The following ABCA13 variants were observed in gnomAD, a reference collection of about 807,000 sequenced individuals.
ABCA13 encodes ATP binding cassette subfamily A member 13.
A neutral mutation model predicts 478.7 loss-of-function variants in ABCA13; 476 were observed. The observed-to-expected ratio is 0.99, with a 90% confidence interval of 0.92 to 1.07. ABCA13 has a LOEUF of 1.07. Ranked by LOEUF, ABCA13 falls within the 50% of genes least tolerant of loss-of-function variation. The pLI, the probability that ABCA13 is intolerant of heterozygous loss-of-function variation, is 0.00. For missense variants in ABCA13, 6,060 were observed against 5,910.6 expected, an observed-to-expected ratio of 1.03 and a Z score of -0.83; for synonymous variants, 2,252 against 2,158.9, an observed-to-expected ratio of 1.04 and a Z score of -1.20.
intron 3 of ABCA13, among the ~76,000 whole-genome samples, chr7:48,214,451 G>A (rs1584236715): frequency 2.6e-5 from 4 of 152,268 alleles, no homozygotes; most frequent in Admixed American, 2.0e-4. Context: ...AGACTTTGAA[G>A]GTAGGCATTG....
At chr7:48,408,544 C>T (rs926585118) in intron 39 of ABCA13, among the ~76,000 whole-genome samples, 22 of 152,092 alleles carry the variant, frequency 1.4e-4, no homozygotes, top group African/African-American at 2.9e-4. Context: ...TTTGTGTCTA[C>T]GTTCCATAGT....
intron 55 of ABCA13, among the ~76,000 whole-genome samples, chr7:48,550,283 G>C (rs1785192577): frequency 1.7e-5 from 2 of 118,814 alleles, no homozygotes; most frequent in African/African-American, 7.1e-5. Context: ...TGGAAATGGA[G>C]TCTCGCTCTG....
rs527282174 is a variant in ABCA13, at chr7:48,375,623, G to A, written c.11204-818G>A. Among the ~76,000 whole-genome samples, 6 of 151,734 alleles carry A rather than the reference G, an allele frequency of 4.0e-5. No homozygotes were observed. The East Asian group carries it at 9.7e-4, about 24-fold the overall frequency. The stretch of plus-strand genomic sequence containing the variant: ...ATTTGTATGGTTTTTTTTGGGGGGG[G>A]GTGTTTTTGTAAACAGAGGTAAAAC... On this transcript the variant is annotated intron_variant, in intron 34 of 61. Transcript: ENST00000435803.
intron 1 of ABCA13, among the ~76,000 whole-genome samples, chr7:48,184,104 A>G (rs1189930011): frequency 6.6e-6 from 1 of 152,204 alleles, no homozygotes; most frequent in African/African-American, 2.4e-5. Flanking sequence ...GGTCACTGAC[A>G]ATGAGTACTC....
chr7:48,241,156 G>C, intron 10 of ABCA13, 90 bp downstream of exon 10: 1 of 1,409,314 alleles, frequency 7.1e-7, no homozygotes, highest in Admixed American at 1.8e-5. Context: ...AACACATTCT[G>C]TAAAACTACA....
chr7:48,248,106 C>T, intron 13 of ABCA13, 133 bp from the exon 14 acceptor site: 1 of 685,114 alleles, frequency 1.5e-6, no homozygotes, highest in Non-Finnish European at 2.4e-6. Context: ...AATTACCATG[C>T]CATAGGGCAC....
intron 3 of ABCA13, among the ~76,000 whole-genome samples, chr7:48,205,305 A>G (rs1784787547): frequency 6.7e-6 from 1 of 149,094 alleles, no homozygotes; most frequent in African/African-American, 2.5e-5. Context: ...TGGTGAAGGT[A>G]ATGATTTAAC....
At chr7:48,377,834 G>A (rs956319686) in intron 35 of ABCA13, among the ~76,000 whole-genome samples, 3 of 152,142 alleles carry the variant, frequency 2.0e-5, no homozygotes, top group African/African-American at 4.8e-5. Flanking sequence ...TTGAGAAGAA[G>A]CAAAAATAAC....
At chr7:48,361,472 A>C (rs890570838) in intron 31 of ABCA13, among the ~76,000 whole-genome samples, 1 of 151,694 alleles carries the variant, frequency 6.6e-6, no homozygotes, top group Admixed American at 6.6e-5. Context: ...CTGTTTTCTC[A>C]AAGAACCCTA....
intron 41 of ABCA13, among the ~76,000 whole-genome samples, chr7:48,419,337 T>C (rs1820432367): frequency 6.6e-6 from 1 of 152,234 alleles, no homozygotes. Flanking sequence ...ACTTTACCCA[T>C]TCATATTCCT....
chr7:48,293,046 T>A (rs1798755693), intron 20 of ABCA13, among the ~76,000 whole-genome samples: 1 of 152,080 alleles, frequency 6.6e-6, no homozygotes, highest in Admixed American at 6.5e-5. Flanking sequence ...TGAATTAGAG[T>A]CAAGAAGTTG....
At chr7:48,608,591 G>GTCAC (rs1227227479) in intron 58 of ABCA13, among the ~76,000 whole-genome samples, 1 of 152,230 alleles carries the variant, frequency 6.6e-6, no homozygotes, top group East Asian at 1.9e-4. Flanking sequence ...TATCAACAGT[G>GTCAC]TCACTGGACC....
chr7:48,202,771 T>C (rs1264764335), intron 3 of ABCA13, among the ~76,000 whole-genome samples: 1 of 152,022 alleles, frequency 6.6e-6, no homozygotes, highest in African/African-American at 2.4e-5. Flanking sequence ...AGAGTGCCCA[T>C]TGGTGTATTT....
intron 3 of ABCA13, among the ~76,000 whole-genome samples, chr7:48,201,717 C>CA (rs1562765632): frequency 2.0e-5 from 3 of 151,928 alleles, no homozygotes; most frequent in Admixed American, 6.6e-5. Flanking sequence ...AAGACTGTCT[C>CA]AAAAAAACAA....
At chr7:48,370,338 A>G (rs983609897) in intron 32 of ABCA13, among the ~76,000 whole-genome samples, 1 of 152,152 alleles carries the variant, frequency 6.6e-6, no homozygotes, top group Admixed American at 6.6e-5. Context: ...TCATCAACAA[A>G]CAGCAACAGT....
chr7:48,401,062 G>A (rs1402136505), intron 38 of ABCA13, among the ~76,000 whole-genome samples: 1 of 152,146 alleles, frequency 6.6e-6, no homozygotes, highest in Non-Finnish European at 1.5e-5. Flanking sequence ...AGTGCTAGTG[G>A]TTAAATGCAG....
At chr7:48,549,101 G>T (rs970519365) in intron 55 of ABCA13, among the ~76,000 whole-genome samples, 2 of 151,812 alleles carry the variant, frequency 1.3e-5, no homozygotes, top group African/African-American at 4.8e-5. Context: ...GAATGTGCAG[G>T]TTTGTTACTT....
intron 1 of ABCA13, among the ~76,000 whole-genome samples, chr7:48,192,644 A>G (rs1797253070): frequency 6.6e-6 from 1 of 152,262 alleles, no homozygotes; most frequent in African/African-American, 2.4e-5. Flanking sequence ...TAGTTGCTGT[A>G]TTGAAGTATG....
intron 55 of ABCA13, among the ~76,000 whole-genome samples, chr7:48,532,484 C>T (rs569933204): frequency 6.6e-5 from 10 of 151,920 alleles, no homozygotes; most frequent in African/African-American, 9.6e-5. Flanking sequence ...ATGTCCTTTC[C>T]TGATTTTGGT....
Sources: allele counts gnomAD v4.1 joint callset (sites outside exome capture counted in the v4.1 genomes callset), GRCh38; gene constraint gnomAD v4.1.1; transcripts MANE v1.5; gene names NCBI Gene and HGNC (gene_info 2026-07-23, HGNC 2026-07-21).